The following BMPR1B variants were observed in gnomAD, a reference collection of about 807,000 sequenced individuals.
BMPR1B encodes bone morphogenetic protein receptor type 1B, also known as bone morphogenetic protein receptor type-1B.
BMPR1B carries 12 observed loss-of-function variants against 59.1 expected under a neutral mutation model. That is an observed-to-expected ratio of 0.20 (90% CI 0.13 to 0.33). The LOEUF (loss-of-function observed/expected upper bound fraction) is 0.33, where lower values mean the gene tolerates loss of function less well. BMPR1B is among the 10% of genes least tolerant of loss of function. BMPR1B has a pLI of 1.00. For synonymous variants in BMPR1B, 237 were observed against 207.3 expected (o/e 1.14, Z -1.23); for missense variants, 550 against 610.9 (o/e 0.90, Z 1.05).
At chr4:94,875,691 A>T (rs929144890) in intron 1 of BMPR1B, 140 bp from the exon 2 acceptor site, 2 of 152,748 alleles carry the variant, frequency 1.3e-5, no homozygotes, top group African/African-American at 2.4e-5. Flanking sequence ...CTCAAAAGAA[A>T]AAAACGGAAG....
intron 1 of BMPR1B, among the ~76,000 whole-genome samples, chr4:94,778,784 A>G (rs13130042): frequency 0.33 from 49,619 of 151,904 alleles, 8,815 homozygotes; most frequent in African/African-American, 0.47. Flanking sequence ...GATGAGCCAT[A>G]TTTTCATGCA....
At chr4:95,097,263 A>G (rs1730498642) in intron 3 of BMPR1B, among the ~76,000 whole-genome samples, 2 of 150,932 alleles carry the variant, frequency 1.3e-5, no homozygotes, top group Non-Finnish European at 3.0e-5. Flanking sequence ...GAGGGGAGGG[A>G]GGGACAAAGG....
rs139133160 is a variant in BMPR1B at position 94,825,858 on chromosome 4, C to T, written c.-182-49973C>T. 3.7e-3 allele frequency among the ~76,000 whole-genome samples: 556 copies of T among 152,206 alleles called. 5 individuals carry two copies. The highest frequency in any genetic ancestry group is 0.013 in the African/African-American group (523 of 41,524). On this transcript the variant is annotated intron_variant, in intron 1 of 12. Transcript: ENST00000515059. Reference sequence around the variant, plus strand: ...AATAAAAACAAATTTTATAAGTACACATTACATTTGTAGAGAATTAAAAAT... The same window carrying T: ...AATAAAAACAAATTTTATAAGTACATATTACATTTGTAGAGAATTAAAAAT...
At chr4:94,813,194 G>A (rs1362555446) in intron 1 of BMPR1B, among the ~76,000 whole-genome samples, 2 of 151,874 alleles carry the variant, frequency 1.3e-5, no homozygotes, top group East Asian at 3.9e-4. Flanking sequence ...GACAATGTAT[G>A]AAATAAATAA....
chr4:95,020,957 C>T (rs1032027082), intron 3 of BMPR1B, among the ~76,000 whole-genome samples: 7 of 152,150 alleles, frequency 4.6e-5, no homozygotes, highest in Non-Finnish European at 1.0e-4. Context: ...CTCAAGTGAT[C>T]CTCCTGCCTT....
At chr4:95,128,833 G>A (rs543175474) in intron 8 of BMPR1B, among the ~76,000 whole-genome samples, 4 of 152,188 alleles carry the variant, frequency 2.6e-5, no homozygotes, top group African/African-American at 9.6e-5. Flanking sequence ...CAGAATTCCA[G>A]TATGTAATCT....
At chr4:94,780,419 A>C (rs1722543998) in intron 1 of BMPR1B, among the ~76,000 whole-genome samples, 2 of 152,166 alleles carry the variant, frequency 1.3e-5, no homozygotes, top group South Asian at 4.1e-4. Context: ...TACATTCATT[A>C]GTTGATGGAC....
At chr4:95,070,082 A>G (rs1485637129) in intron 3 of BMPR1B, among the ~76,000 whole-genome samples, 1 of 152,168 alleles carries the variant, frequency 6.6e-6, no homozygotes. Context: ...CTGGGCAACA[A>G]GAGAGAAACT....
intron 1 of BMPR1B, among the ~76,000 whole-genome samples, chr4:94,847,500 G>A (rs1165326178): frequency 1.3e-5 from 2 of 152,164 alleles, no homozygotes; most frequent in Admixed American, 1.3e-4. Flanking sequence ...GTTTATTGCA[G>A]CACTGTTCAC....
chr4:94,981,003 A>ACGTGCGCGTACGCGCGCG (rs141994255), intron 2 of BMPR1B, among the ~76,000 whole-genome samples: 43 of 90,844 alleles, frequency 4.7e-4, no homozygotes, highest in Middle Eastern at 9.3e-3. Flanking sequence ...ACACACACAC[A>ACGTGCGCGTACGCGCGCG]CACACACACA....
chr4:95,063,408 T>C (rs1191057898), intron 3 of BMPR1B, among the ~76,000 whole-genome samples: 1 of 152,146 alleles, frequency 6.6e-6, no homozygotes, highest in Non-Finnish European at 1.5e-5. Flanking sequence ...TAAAATAATA[T>C]GATTATAGCC....
chr4:94,780,360 A>G (rs1417998460), intron 1 of BMPR1B, among the ~76,000 whole-genome samples: 1 of 152,116 alleles, frequency 6.6e-6, no homozygotes, highest in Non-Finnish European at 1.5e-5. Flanking sequence ...TACGTAATTC[A>G]TTTTCATTGC....
intron 1 of BMPR1B, among the ~76,000 whole-genome samples, chr4:94,795,760 C>G (rs13140820): frequency 0.31 from 47,725 of 151,786 alleles, 8,099 homozygotes; most frequent in African/African-American, 0.44. Context: ...CACCTGTCCA[C>G]CCTGGATTAA....
chr4:94,964,096 T>A (rs13121253), intron 2 of BMPR1B, among the ~76,000 whole-genome samples: 1 of 151,858 alleles, frequency 6.6e-6, no homozygotes, highest in African/African-American at 2.4e-5. Context: ...TATTGTAAAT[T>A]GAATTCCTTT....
rs1735512252 is a variant in BMPR1B, at chr4:95,157,625, T to C, written c.*2952T>C. On this transcript the variant is annotated 3_prime_UTR_variant, in exon 13 of 13. Transcript: ENST00000515059. ...TAGTTTATGTATGTGTGTATATATA[T>C]AAATATATATGTATATATAAATATT... 6.6e-6 allele frequency: 1 copy of C among 151,154 alleles called. No homozygotes were observed. The highest frequency in any genetic ancestry group is 1.5e-5 in the Non-Finnish European group (1 of 67,772). 9.4% of individuals were successfully genotyped at this position (151,154 alleles called of 1,614,324 possible).
intron 3 of BMPR1B, among the ~76,000 whole-genome samples, chr4:95,094,837 T>G (rs185025961): frequency 7.0e-4 from 107 of 152,112 alleles, no homozygotes; most frequent in African/African-American, 2.5e-3. Context: ...ACATCTTCCC[T>G]TATCTTTTAT....
At chr4:94,929,544 C>T (rs1729014758) in intron 2 of BMPR1B, among the ~76,000 whole-genome samples, 1 of 152,066 alleles carries the variant, frequency 6.6e-6, no homozygotes, top group Non-Finnish European at 1.5e-5. Flanking sequence ...CTGGACTCTC[C>T]TCACCCACTT....
intron 1 of BMPR1B, among the ~76,000 whole-genome samples, chr4:94,791,693 T>A (rs1434833536): frequency 1.3e-5 from 2 of 152,204 alleles, no homozygotes; most frequent in Admixed American, 6.5e-5. Context: ...TTGTAAAATA[T>A]GTTTATCCCA....
At chr4:95,131,757 T>C (rs1274404084) in intron 10 of BMPR1B, among the ~76,000 whole-genome samples, 1 of 152,200 alleles carries the variant, frequency 6.6e-6, no homozygotes, top group Non-Finnish European at 1.5e-5. Context: ...CATTAAGTTA[T>C]ATAGAAAAGA....
Sources: allele counts gnomAD v4.1 joint callset (sites outside exome capture counted in the v4.1 genomes callset), GRCh38; gene constraint gnomAD v4.1.1; transcripts MANE v1.5; gene names NCBI Gene and HGNC (gene_info 2026-07-23, HGNC 2026-07-21).